YAE1: variants seen among roughly 807,000 people sequenced by gnomAD.
The protein encoded by YAE1 is protein YAE1 homolog.
In YAE1, 22 loss-of-function variants were observed where a neutral mutation model predicts 23.0. The observed-to-expected ratio is 0.96, with a 90% CI of 0.68 to 1.37. The LOEUF (loss-of-function observed/expected upper bound fraction) is 1.37. Among genes scored for constraint, YAE1 ranks in the 40% most tolerant of loss-of-function variants. The pLI is 0.00. For synonymous variants in YAE1, 101 were observed against 97.0 expected, an observed-to-expected ratio of 1.04 and a Z score of -0.24; for missense variants, 260 against 262.1, an observed-to-expected ratio of 0.99 and a Z score of 0.06.
At chr7:39,570,737 A>G (rs1790551885) in intron 2 of YAE1, 110 bp downstream of exon 2, 1 of 1,358,084 alleles carries the variant, frequency 7.4e-7, no homozygotes, top group African/African-American at 1.5e-5. Flanking sequence ...TGCTAAATAC[A>G]CTAAAGCGTG....
At chr7:39,608,718 G>C (rs1432431943) in intron 2 of YAE1, among the ~76,000 whole-genome samples, 2 of 152,160 alleles carry the variant, frequency 1.3e-5, no homozygotes, top group Non-Finnish European at 2.9e-5. Context: ...CTATATTACA[G>C]AAGTTTATTA....
chr7:39,606,772 C>G (rs1791136562), intron 2 of YAE1, among the ~76,000 whole-genome samples: 1 of 152,144 alleles, frequency 6.6e-6, no homozygotes, highest in Non-Finnish European at 1.5e-5. Context: ...ACAGAATGAA[C>G]TATTGAATAA....
At chr7:39,575,232 C>A (rs1044130660), downstream of YAE1, among the ~76,000 whole-genome samples, 1 of 152,136 alleles carries the variant, frequency 6.6e-6, no homozygotes, top group Non-Finnish European at 1.5e-5. Context: ...TAAGTTACTT[C>A]TGGGTGCTAA....
intron 2 of YAE1, among the ~76,000 whole-genome samples, chr7:39,594,726 C>A (rs1790951953): frequency 6.6e-6 from 1 of 151,970 alleles, no homozygotes; most frequent in Non-Finnish European, 1.5e-5. Context: ...TTCCAAGTAG[C>A]TAGGATTACA....
chr7:39,568,745 C>G (rs948040242), intron 1 of YAE1, among the ~76,000 whole-genome samples: 2 of 152,034 alleles, frequency 1.3e-5, no homozygotes, highest in Admixed American at 6.6e-5. Context: ...GAAAATCAAC[C>G]TTTATTGGAA....
intron 2 of YAE1, among the ~76,000 whole-genome samples, chr7:39,607,126 A>G (rs139580295): frequency 2.6e-5 from 4 of 152,080 alleles, no homozygotes; most frequent in South Asian, 2.1e-4. Flanking sequence ...TTCATCTCCA[A>G]ATCATGAGGT....
rs186925568 is a variant in YAE1, at chr7:39,567,953, T to C, written c.129+1406T>C. On this transcript the variant is annotated intron_variant, in intron 1 of 2. Coordinates refer to ENST00000223273, the MANE Select transcript of YAE1 (RefSeq NM_020192.5). ...CTTTAAGGAGTAAAAATACACTAAG[T>C]GTACCATCCTGTTGATTTCTACCTG... Among the ~76,000 whole-genome samples, 308 of 152,252 alleles carry C rather than the reference T, an allele frequency of 2.0e-3. 4 individuals are homozygous for C. The highest frequency in any genetic ancestry group is 5.4e-4 in the Non-Finnish European group (37 of 68,014).
chr7:39,581,813 AG>A (rs998755190), intron 2 of YAE1, among the ~76,000 whole-genome samples: 1 of 152,114 alleles, frequency 6.6e-6, no homozygotes, highest in Non-Finnish European at 1.5e-5. Flanking sequence ...TCAAGGCTGC[AG>A]TGAGCCGTGA....
chr7:39,592,523 T>C (rs550607591), intron 2 of YAE1, among the ~76,000 whole-genome samples: 1 of 152,214 alleles, frequency 6.6e-6, no homozygotes, highest in Non-Finnish European at 1.5e-5. Flanking sequence ...ATCAAAAATA[T>C]CACAAGTCAA....
intron 2 of YAE1, among the ~76,000 whole-genome samples, chr7:39,582,390 A>G (rs1274150010): frequency 1.3e-5 from 2 of 152,188 alleles, no homozygotes; most frequent in East Asian, 1.9e-4. Context: ...TTAACCTATC[A>G]GCTGTTTAGA....
downstream of YAE1, among the ~76,000 whole-genome samples, chr7:39,577,263 T>C (rs906032733): frequency 2.6e-5 from 4 of 151,998 alleles, no homozygotes; most frequent in African/African-American, 7.3e-5. Context: ...ATATCCAAAC[T>C]GTGTCATTGA....
intron 1 of YAE1, among the ~76,000 whole-genome samples, chr7:39,567,289 TGTCA>T (rs1293977717): frequency 6.6e-6 from 1 of 152,204 alleles, no homozygotes; most frequent in Non-Finnish European, 1.5e-5. Context: ...AAAACCATGT[TGTCA>T]ATTACAAAAA....
downstream of YAE1, among the ~76,000 whole-genome samples, chr7:39,573,196 G>A (rs191089324): frequency 9.2e-5 from 14 of 152,266 alleles, no homozygotes; most frequent in Admixed American, 9.2e-4. Context: ...AACTGAAGCA[G>A]TGTTTATGCT....
downstream of YAE1, among the ~76,000 whole-genome samples, chr7:39,577,258 C>G (rs1268279744): frequency 6.6e-6 from 1 of 152,236 alleles, no homozygotes; most frequent in Non-Finnish European, 1.5e-5. Flanking sequence ...TCCACATATC[C>G]AAACTGTGTC....
At chr7:39,577,003 TCCTGCTTCAG>T (rs1004625674), downstream of YAE1, among the ~76,000 whole-genome samples, 1 of 152,182 alleles carries the variant, frequency 6.6e-6, no homozygotes, top group Non-Finnish European at 1.5e-5. Flanking sequence ...CAAGTGATTC[TCCTGCTTCAG>T]CCTCCTAAGT....
downstream of YAE1, among the ~76,000 whole-genome samples, chr7:39,575,581 A>AGTGTGT (rs1179474179): frequency 5.7e-5 from 6 of 105,436 alleles, no homozygotes; most frequent in African/African-American, 3.3e-4. Context: ...AGAGAGAGTG[A>AGTGTGT]GTGTGTGTGT....
At chr7:39,566,690 A>G (rs1790474605) in intron 1 of YAE1, 143 bp downstream of exon 1, 8 of 1,162,726 alleles carry the variant, frequency 6.9e-6, no homozygotes, top group East Asian at 2.7e-5. Flanking sequence ...GCGTCTTGCT[A>G]GGATTTCTCG....
chr7:39,610,094 C>A, exon 3 of YAE1: 3 of 1,297,288 alleles, frequency 2.3e-6, no homozygotes, highest in South Asian at 1.6e-5. Flanking sequence ...TGGACCAGCC[C>A]ACCTTGGCCC....
chr7:39,596,217 C>T (rs1790970615), intron 2 of YAE1, among the ~76,000 whole-genome samples: 1 of 151,754 alleles, frequency 6.6e-6, no homozygotes, highest in Non-Finnish European at 1.5e-5. Context: ...TTTTTGGAGG[C>T]GGAGTCTCAC....
Sources: allele counts gnomAD v4.1 joint callset (sites outside exome capture counted in the v4.1 genomes callset), GRCh38; gene constraint gnomAD v4.1.1; transcripts MANE v1.5; gene names NCBI Gene and HGNC (gene_info 2026-07-23, HGNC 2026-07-21).